ATP8A2: variants seen among roughly 807,000 people sequenced by gnomAD.
ATP8A2 encodes ATPase phospholipid transporting 8A2, also known as phospholipid-transporting ATPase IB.
A neutral mutation model predicts 165.6 loss-of-function variants in ATP8A2; 100 were observed. The observed-to-expected ratio is 0.60, with a 90% CI of 0.51 to 0.71. The LOEUF (loss-of-function observed/expected upper bound fraction) is 0.71. Ranked by LOEUF, ATP8A2 falls within the 30% of genes least tolerant of loss-of-function variation. The pLI, the probability that ATP8A2 is intolerant of heterozygous loss-of-function variation, is 0.00. For synonymous variants in ATP8A2, 543 were observed against 548.8 expected, an observed-to-expected ratio of 0.99 and a Z score of 0.15; for missense variants, 1,227 against 1,479.5, an observed-to-expected ratio of 0.83 and a Z score of 2.80.
At chr13:25,992,684 T>TTG (rs3056354) in intron 35 of ATP8A2, among the ~76,000 whole-genome samples, 33,979 of 151,912 alleles carry the variant, frequency 0.22, 4,334 homozygotes, top group Non-Finnish European at 0.3. Context: ...ATAGTTTTTT[T>TTG]TTTGTTTGTT....
intron 27 of ATP8A2, among the ~76,000 whole-genome samples, chr13:25,788,116 C>T (rs978539678): frequency 3.3e-5 from 5 of 152,194 alleles, no homozygotes; most frequent in African/African-American, 9.7e-5. Flanking sequence ...CAGCTCAAGC[C>T]GTGAAAACTT....
intron 4 of ATP8A2, among the ~76,000 whole-genome samples, chr13:25,532,019 T>C (rs866259132): frequency 7.9e-5 from 12 of 152,212 alleles, no homozygotes; most frequent in South Asian, 4.1e-4. Flanking sequence ...CAGTCTGATC[T>C]AAAGCAAGGA....
chr13:25,943,705 C>G (rs774129496), intron 33 of ATP8A2, among the ~76,000 whole-genome samples: 1 of 152,208 alleles, frequency 6.6e-6, no homozygotes, highest in Non-Finnish European at 1.5e-5. Context: ...ATGTTATTTT[C>G]GCTTCATAGA....
intron 33 of ATP8A2, among the ~76,000 whole-genome samples, chr13:25,877,239 T>C (rs1226084071): frequency 5.9e-5 from 9 of 152,200 alleles, no homozygotes; most frequent in Admixed American, 5.9e-4. Context: ...CAAAAACTTT[T>C]TTTAAAAAAG....
intron 11 of ATP8A2, among the ~76,000 whole-genome samples, chr13:25,553,015 T>C (rs2038870713): frequency 6.6e-6 from 1 of 152,088 alleles, no homozygotes; most frequent in Non-Finnish European, 1.5e-5. Flanking sequence ...CCTTCTGCTA[T>C]CTTTATTCTC....
chr13:25,915,709 A>C (rs941583690), intron 33 of ATP8A2, among the ~76,000 whole-genome samples: 1 of 152,354 alleles, frequency 6.6e-6, no homozygotes, highest in Middle Eastern at 3.4e-3. Context: ...AACTGACTCC[A>C]GTCCTAGAGA....
intron 2 of ATP8A2, among the ~76,000 whole-genome samples, chr13:25,526,383 A>T (rs1362166087): frequency 6.6e-6 from 1 of 152,124 alleles, no homozygotes; most frequent in African/African-American, 2.4e-5. Flanking sequence ...ATATGTTTGC[A>T]TTGGAGAATT....
chr13:25,637,462 T>A (rs1447890436), intron 24 of ATP8A2, among the ~76,000 whole-genome samples: 1 of 152,156 alleles, frequency 6.6e-6, no homozygotes, highest in Non-Finnish European at 1.5e-5. Context: ...GGAGATTATA[T>A]CCCATGCCTG....
At chr13:25,861,803 C>T (rs1054519879) in intron 32 of ATP8A2, among the ~76,000 whole-genome samples, 7 of 152,060 alleles carry the variant, frequency 4.6e-5, no homozygotes, top group African/African-American at 1.2e-4. Context: ...AAATGAACAA[C>T]GCAGTAGATG....
chr13:25,397,894 A>G (rs1303155054), intron 1 of ATP8A2, among the ~76,000 whole-genome samples: 2 of 152,200 alleles, frequency 1.3e-5, no homozygotes, highest in African/African-American at 4.8e-5. Flanking sequence ...CTGATTGACA[A>G]TTGGTTGAAA....
intron 24 of ATP8A2, among the ~76,000 whole-genome samples, chr13:25,698,371 G>T (rs1221895053): frequency 6.6e-6 from 1 of 151,918 alleles, no homozygotes; most frequent in East Asian, 1.9e-4. Flanking sequence ...CAGACATGCA[G>T]CAGACACACA....
At chr13:25,656,545 T>A (rs1357818832) in intron 24 of ATP8A2, among the ~76,000 whole-genome samples, 5 of 151,978 alleles carry the variant, frequency 3.3e-5, no homozygotes, top group Non-Finnish European at 5.9e-5. Context: ...AGTGCTGGGA[T>A]TACAGGCGTG....
chr13:25,561,939 T>A (rs1040742420), intron 15 of ATP8A2, among the ~76,000 whole-genome samples: 1 of 152,236 alleles, frequency 6.6e-6, no homozygotes, highest in African/African-American at 2.4e-5. Context: ...TGTTGTAGAA[T>A]GTGCCAGAAT....
intron 30 of ATP8A2, among the ~76,000 whole-genome samples, chr13:25,852,397 A>G (rs1383417009): frequency 2.0e-5 from 3 of 152,158 alleles, no homozygotes; most frequent in South Asian, 2.1e-4. Context: ...GGCTAATGAA[A>G]TGTCCACACC....
At chr13:25,435,123 T>C (rs1480011989) in intron 1 of ATP8A2, among the ~76,000 whole-genome samples, 14 of 134,792 alleles carry the variant, frequency 1.0e-4, no homozygotes, top group African/African-American at 3.8e-4. Flanking sequence ...ATAGGAAATC[T>C]TTTTTTTTTT....
At chr13:25,898,825 G>A (rs971607926) in intron 33 of ATP8A2, among the ~76,000 whole-genome samples, 26 of 152,208 alleles carry the variant, frequency 1.7e-4, no homozygotes, top group Non-Finnish European at 2.5e-4. Flanking sequence ...AGAACCCTCC[G>A]AGCTAGGTGC....
Position 25,668,253 on chromosome 13 carries a change from G to T in ATP8A2, c.2212-30920G>T, listed in dbSNP as rs376790866. Among the ~76,000 whole-genome samples, 24 of 152,166 alleles carry T rather than the reference G, an allele frequency of 1.6e-4. No homozygotes were observed. The East Asian group carries it at 3.5e-3, about 22-fold the overall frequency. ...GCTCCTTTAGCTACTGTATATCTGG[G>T]AATGTCTTCATTTCTCCTTTATTTT... On this transcript the variant is annotated intron_variant, in intron 24 of 36. Transcript: ENST00000381655.
intron 35 of ATP8A2, among the ~76,000 whole-genome samples, chr13:25,985,507 A>C (rs1956263080): frequency 6.6e-6 from 1 of 152,168 alleles, no homozygotes; most frequent in Non-Finnish European, 1.5e-5. Context: ...AGGATTAGAG[A>C]AGCACCTAGC....
At chr13:25,539,273 AT>A (rs2038392458) in intron 7 of ATP8A2, among the ~76,000 whole-genome samples, 1 of 151,808 alleles carries the variant, frequency 6.6e-6, no homozygotes, top group South Asian at 2.1e-4. Flanking sequence ...ATTTTTAAAA[AT>A]TTTTTTGTAG....
Sources: gnomAD v4.1 joint callset for allele counts (sites outside exome capture counted in the v4.1 genomes callset) on GRCh38, gnomAD v4.1.1 for gene constraint, MANE v1.5 for transcripts, NCBI Gene and HGNC (gene_info 2026-07-23, HGNC 2026-07-21) for gene names.